ZNF521: variants seen among roughly 807,000 people sequenced by gnomAD.
ZNF521 encodes the protein zinc finger protein 521, also known as LYST-interacting protein 3.
ZNF521 carries 14 observed loss-of-function variants against 105.5 expected under a neutral mutation model. The observed-to-expected ratio is 0.13, with a 90% CI of 0.09 to 0.21. The LOEUF (loss-of-function observed/expected upper bound fraction) is 0.21. Ranked by LOEUF, ZNF521 falls within the 10% of genes least tolerant of loss-of-function variation. ZNF521 has a pLI of 1.00. For synonymous variants in ZNF521, 635 were observed against 606.0 expected (o/e 1.05, Z -0.70); for missense variants, 1,233 against 1,629.7 (o/e 0.76, Z 4.19).
chr18:25,350,881 G>T, intron 2 of ZNF521, 26 bp downstream of exon 2: 1 of 1,547,154 alleles, frequency 6.5e-7, no homozygotes, highest in Non-Finnish European at 8.7e-7. Flanking sequence ...ATGGGGGAAA[G>T]CGGGGAGCAG....
intron 3 of ZNF521, among the ~76,000 whole-genome samples, chr18:25,253,050 A>G (rs926215498): frequency 3.3e-5 from 5 of 152,192 alleles, no homozygotes; most frequent in Non-Finnish European, 7.4e-5. Flanking sequence ...AAATGGATTC[A>G]AGAGTTATTT....
rs766838957 is a variant in ZNF521 at position 25,224,668 on chromosome 18, C to G, written c.3250G>C (p.Asp1084His). The G allele has an allele frequency of 6.2e-7, 1 of 1,614,108 alleles. No homozygotes were observed. Among genetic ancestry groups the G allele is most frequent in the Admixed American group, 1.7e-5 (1 of 60,024 alleles). The change falls in exon 4 of 8, where the codon GAT (aspartate) becomes CAT (histidine). Residue 1084 changes from aspartate to histidine, a missense_variant. Coordinates refer to ENST00000361524, the MANE Select transcript of ZNF521 (RefSeq NM_015461.3). ...AGACCATATGGCAGGCCATTGATAT[C>G]AAGTTTCACCAGATCTTGCTTGGAA... ...FRSKQDLVKL[D>H]INGLPYGLCA...
At chr18:25,249,992 G>C (rs1908001351) in intron 3 of ZNF521, among the ~76,000 whole-genome samples, 1 of 152,136 alleles carries the variant, frequency 6.6e-6, no homozygotes, top group South Asian at 2.1e-4. Flanking sequence ...TGGCTGGAGT[G>C]CTGTGGCGCA....
chr18:25,231,980 T>A (rs1170700027), intron 3 of ZNF521, among the ~76,000 whole-genome samples: 1 of 152,204 alleles, frequency 6.6e-6, no homozygotes, highest in Non-Finnish European at 1.5e-5. Flanking sequence ...ATCCTTTTGC[T>A]ACCTGAGCTT....
intron 5 of ZNF521, among the ~76,000 whole-genome samples, chr18:25,097,425 G>A (rs893067175): frequency 6.6e-6 from 1 of 152,016 alleles, no homozygotes; most frequent in Non-Finnish European, 1.5e-5. Context: ...TTGTGGGAAC[G>A]TTTTTTCTCA....
Position 25,292,421 on chromosome 18 carries a change from A to G in ZNF521, c.220+29587T>C, listed in dbSNP as rs373011723. Among the ~76,000 whole-genome samples, 41 of 152,278 alleles carry G rather than the reference A, an allele frequency of 2.7e-4. 1 individual carries two copies. In the East Asian group the frequency reaches 3.7e-3, roughly 14 times the overall value. Reference sequence around the variant, plus strand: ...GGCACAATAATGGCACATATTCACAAAAAGGGCATTTCCAACAAATTCTTC... The same window carrying G: ...GGCACAATAATGGCACATATTCACAGAAAGGGCATTTCCAACAAATTCTTC... On this transcript the variant is annotated intron_variant, in intron 3 of 7. Transcript: ENST00000361524.
intron 7 of ZNF521, among the ~76,000 whole-genome samples, chr18:25,067,358 C>T (rs549314231): frequency 7.2e-4 from 110 of 152,140 alleles, no homozygotes; most frequent in African/African-American, 2.5e-3. Flanking sequence ...TGAAATTAAA[C>T]TTAGAAAGCT....
intron 5 of ZNF521, among the ~76,000 whole-genome samples, chr18:25,093,195 C>A (rs1208849352): frequency 6.6e-6 from 1 of 152,094 alleles, no homozygotes; most frequent in Non-Finnish European, 1.5e-5. Context: ...AACTTGAACG[C>A]AGGCAGTCTA....
At position 25,274,776 on chromosome 18, in the gene ZNF521, T is replaced by A. The variant is rs557437602; in HGVS notation, c.221-47079A>T. On this transcript the variant is annotated intron_variant, in intron 3 of 7. Transcript: ENST00000361524. The stretch of plus-strand genomic sequence containing the variant: ...GTTTACAGAATGAAATAAGATGTTG[T>A]GTCTAGTGGATGGGAGAGTTGTCAT... 3.3e-5 allele frequency among the ~76,000 whole-genome samples: 5 copies of A among 152,322 alleles called. No individual in the cohort carries two copies. The East Asian group carries it at 9.7e-4, about 29-fold the overall frequency.
At chr18:25,211,294 T>C (rs891696277) in intron 4 of ZNF521, among the ~76,000 whole-genome samples, 3 of 152,184 alleles carry the variant, frequency 2.0e-5, no homozygotes, top group African/African-American at 7.2e-5. Flanking sequence ...GATTATATAC[T>C]TAGGGTTCTG....
intron 3 of ZNF521, among the ~76,000 whole-genome samples, chr18:25,235,523 C>T (rs1247189680): frequency 6.6e-6 from 1 of 152,120 alleles, no homozygotes; most frequent in Non-Finnish European, 1.5e-5. Flanking sequence ...TTTCAAAAAA[C>T]GAAATCAAAT....
intron 3 of ZNF521, among the ~76,000 whole-genome samples, chr18:25,242,045 G>A (rs931130975): frequency 6.6e-6 from 1 of 152,126 alleles, no homozygotes; most frequent in Non-Finnish European, 1.5e-5. Flanking sequence ...ATCAGTGATC[G>A]ATGTTTATGT....
At chr18:25,213,657 T>C (rs1424768001) in intron 4 of ZNF521, among the ~76,000 whole-genome samples, 1 of 152,140 alleles carries the variant, frequency 6.6e-6, no homozygotes, top group African/African-American at 2.4e-5. Flanking sequence ...ATTCATCAAA[T>C]GAACAAAGGT....
intron 3 of ZNF521, among the ~76,000 whole-genome samples, chr18:25,232,601 C>T (rs753381147): frequency 3.3e-5 from 5 of 152,084 alleles, no homozygotes; most frequent in Non-Finnish European, 5.9e-5. Context: ...GTTAATAGAC[C>T]ATAAATCTGT....
chr18:25,065,191 CA>C (rs1450188648), intron 7 of ZNF521, among the ~76,000 whole-genome samples: 1 of 151,998 alleles, frequency 6.6e-6, no homozygotes, highest in African/African-American at 2.4e-5. Flanking sequence ...TTAAAAAGTC[CA>C]AAAACAATGA....
At chr18:25,149,949 A>G (rs546529107) in intron 5 of ZNF521, among the ~76,000 whole-genome samples, 7 of 152,330 alleles carry the variant, frequency 4.6e-5, no homozygotes, top group South Asian at 4.1e-4. Context: ...AAACTTTTTT[A>G]TAACAGAGAG....
chr18:25,213,623 GT>G (rs1272538867), intron 4 of ZNF521, among the ~76,000 whole-genome samples: 1 of 151,858 alleles, frequency 6.6e-6, no homozygotes, highest in African/African-American at 2.4e-5. Context: ...TTTTTGTCTG[GT>G]TTTGATATCA....
Position 25,277,065 on chromosome 18 carries a change from C to A in ZNF521, c.220+44943G>T, listed in dbSNP as rs536608344. Among the ~76,000 whole-genome samples the A allele has an allele frequency of 3.9e-5, 6 of 152,118 alleles. No individual in the cohort carries two copies. The East Asian group carries it at 5.8e-4, about 15-fold the overall frequency. ...GAGTGTGGTGGCACACGCTTGTAATCCCAGGTATTCAAGAGGCTGAGGCAG... is the reference window on the plus strand; with the variant it reads ...GAGTGTGGTGGCACACGCTTGTAATACCAGGTATTCAAGAGGCTGAGGCAG... On this transcript the variant is annotated intron_variant, in intron 3 of 7. Coordinates refer to ENST00000361524, the MANE Select transcript of ZNF521 (RefSeq NM_015461.3).
At chr18:25,219,490 T>TC in intron 4 of ZNF521, among the ~76,000 whole-genome samples, 1 of 152,210 alleles carries the variant, frequency 6.6e-6, no homozygotes. Context: ...AGCAGGCAGC[T>TC]GTTTATATGA....
Sources: allele counts gnomAD v4.1 joint callset (sites outside exome capture counted in the v4.1 genomes callset), GRCh38; gene constraint gnomAD v4.1.1; transcripts MANE v1.5; gene names NCBI Gene and HGNC (gene_info 2026-07-23, HGNC 2026-07-21).